LGSN: variants seen among roughly 807,000 people sequenced by gnomAD.
The protein encoded by LGSN is lengsin.
LGSN carries 21 observed loss-of-function variants against 19.5 expected under a neutral mutation model. The ratio of observed to expected loss-of-function variants is 1.07; its 90% CI spans 0.76 to 1.55. The LOEUF (loss-of-function observed/expected upper bound fraction) is 1.55, where lower values mean the gene tolerates loss of function less well. Among genes scored for constraint, LGSN ranks in the 40% most tolerant of loss-of-function variants. The probability of loss-of-function intolerance (pLI) is 0.00; values close to 1 mark genes in which losing one functional copy is unlikely to be tolerated. For synonymous variants in LGSN, 257 were observed against 215.6 expected (o/e 1.19, Z -1.68); for missense variants, 673 against 608.5 (o/e 1.11, Z -1.12).
At chr6:63,448,586 C>T in the LGSN span, among the ~76,000 whole-genome samples, 1 of 151,686 alleles carries the variant, frequency 6.6e-6, no homozygotes, top group Admixed American at 6.6e-5. Context: ...AAGTATTATA[C>T]ACCCTCGATC....
the LGSN span, among the ~76,000 whole-genome samples, chr6:63,377,692 CA>C: frequency 6.6e-6 from 1 of 151,944 alleles, no homozygotes; most frequent in Non-Finnish European, 1.5e-5. Context: ...GCAGGAGGAT[CA>C]CTTAAGGTCA....
chr6:63,534,092 C>G, the LGSN span, among the ~76,000 whole-genome samples: 76,720 of 151,818 alleles, frequency 0.51, 20,340 homozygotes, highest in African/African-American at 0.67. Context: ...ATCTGCCCAC[C>G]TTGACCTATC....
At chr6:63,452,692 G>C in the LGSN span, among the ~76,000 whole-genome samples, 1 of 126,860 alleles carries the variant, frequency 7.9e-6, no homozygotes, top group African/African-American at 2.7e-5. Context: ...TCTCTTTTCT[G>C]TCAGTCTGGC....
In LGSN at chr6:63,296,078, A is replaced by G. The variant is rs778917823; in HGVS notation, c.31-1033T>C. Among the ~76,000 whole-genome samples, 88 of 152,200 alleles carry G rather than the reference A, an allele frequency of 5.8e-4. 1 individual carries two copies. Among genetic ancestry groups the G allele is most frequent in the Admixed American group, 2.2e-3 (34 of 15,272 alleles). On this transcript the variant is annotated intron_variant, in intron 1 of 3. Transcript: ENST00000370657. ...GGGGAGCAGCTGTATCACTTCATCT[A>G]TAAAACCAATTCATTCTCCCAAGGC...
At chr6:63,335,233 A>G in the LGSN span, among the ~76,000 whole-genome samples, 1 of 152,082 alleles carries the variant, frequency 6.6e-6, no homozygotes, top group Non-Finnish European at 1.5e-5. Context: ...CCAAAGAATG[A>G]GACTAGACCC....
chr6:63,558,589 T>G, the LGSN span, among the ~76,000 whole-genome samples: 1 of 152,178 alleles, frequency 6.6e-6, no homozygotes, highest in Non-Finnish European at 1.5e-5. Context: ...ATGTTGAATA[T>G]GAGGTGCCTC....
the LGSN span, among the ~76,000 whole-genome samples, chr6:63,352,754 C>G: frequency 6.6e-6 from 1 of 152,062 alleles, no homozygotes; most frequent in Non-Finnish European, 1.5e-5. Context: ...TCATCTGTCT[C>G]TCAAACAAAG....
the LGSN span, chr6:63,528,139 T>C: frequency 6.6e-6 from 1 of 152,204 alleles, no homozygotes; most frequent in Non-Finnish European, 1.5e-5. Flanking sequence ...CATAGAGTGG[T>C]TGCTGGGTAA....
the LGSN span, among the ~76,000 whole-genome samples, chr6:63,517,998 C>T: frequency 2.6e-5 from 4 of 151,950 alleles, no homozygotes; most frequent in South Asian, 6.2e-4. Flanking sequence ...ACTAAAAATA[C>T]AAAATTAGCC....
the LGSN span, among the ~76,000 whole-genome samples, chr6:63,368,724 A>G: frequency 6.6e-6 from 1 of 152,220 alleles, no homozygotes; most frequent in Non-Finnish European, 1.5e-5. Context: ...TCCTCCTACC[A>G]GAATGTAAAC....
At chr6:63,378,099 A>T in the LGSN span, among the ~76,000 whole-genome samples, 1 of 151,928 alleles carries the variant, frequency 6.6e-6, no homozygotes, top group Non-Finnish European at 1.5e-5. Flanking sequence ...CTAGAAAGAG[A>T]AAAGTATTTG....
At chr6:63,356,373 C>A in the LGSN span, among the ~76,000 whole-genome samples, 1 of 151,802 alleles carries the variant, frequency 6.6e-6, no homozygotes, top group Non-Finnish European at 1.5e-5. Context: ...AACCCCATCT[C>A]TACTAAAAAA....
the LGSN span, among the ~76,000 whole-genome samples, chr6:63,498,080 G>A: frequency 6.6e-3 from 999 of 151,654 alleles, 18 homozygotes; most frequent in African/African-American, 0.021. Context: ...CACTACACCC[G>A]GCTAATTTTG....
the LGSN span, among the ~76,000 whole-genome samples, chr6:63,519,094 C>T: frequency 6.6e-6 from 1 of 152,064 alleles, no homozygotes; most frequent in Non-Finnish European, 1.5e-5. Flanking sequence ...GCGGGCAGAT[C>T]GCCTGAAGTT....
At chr6:63,508,218 C>T in the LGSN span, among the ~76,000 whole-genome samples, 4 of 152,124 alleles carry the variant, frequency 2.6e-5, no homozygotes, top group Admixed American at 2.6e-4. Flanking sequence ...TAGTTTAGGA[C>T]ATTAAAGCTG....
chr6:63,400,927 G>A, the LGSN span, among the ~76,000 whole-genome samples: 1 of 152,098 alleles, frequency 6.6e-6, no homozygotes, highest in South Asian at 2.1e-4. Flanking sequence ...CCAGGAGGTG[G>A]AGGTTGCAGC....
the LGSN span, among the ~76,000 whole-genome samples, chr6:63,359,045 G>T: frequency 3.5e-4 from 53 of 152,218 alleles, no homozygotes; most frequent in African/African-American, 1.2e-3. Flanking sequence ...AGCATGAAGC[G>T]CTGTTGAATT....
chr6:63,560,586 T>C, the LGSN span, among the ~76,000 whole-genome samples: 349 of 151,856 alleles, frequency 2.3e-3, 2 homozygotes, highest in African/African-American at 8.0e-3. Context: ...TTTTTTTAAG[T>C]AAAGATGGGT....
At chr6:63,572,729 C>T in the LGSN span, 2 of 398,336 alleles carry the variant, frequency 5.0e-6, no homozygotes, top group Non-Finnish European at 8.9e-6. Flanking sequence ...TGTGAGTAGC[C>T]GTCGCATCGT....
Sources: gnomAD v4.1 joint callset for allele counts (sites outside exome capture counted in the v4.1 genomes callset) on GRCh38, gnomAD v4.1.1 for gene constraint, MANE v1.5 for transcripts, NCBI Gene and HGNC (gene_info 2026-07-23, HGNC 2026-07-21) for gene names.